Variants in SOX5 observed in about 807,000 individuals in gnomAD.
SOX5 encodes transcription factor SOX-5.
A neutral mutation model predicts 92.0 loss-of-function variants in SOX5; 9 were observed. The ratio of observed to expected loss-of-function variants is 0.10; its 90% CI spans 0.06 to 0.17. The LOEUF (loss-of-function observed/expected upper bound fraction) is 0.17, where lower values mean the gene tolerates loss of function less well. Ranked by LOEUF, SOX5 falls within the 10% of genes least tolerant of loss-of-function variation. The probability of loss-of-function intolerance (pLI) is 1.00; values close to 1 mark genes in which losing one functional copy is unlikely to be tolerated. For missense variants in SOX5, 642 were observed against 944.5 expected, an observed-to-expected ratio of 0.68 and a Z score of 4.20; for synonymous variants, 344 against 336.3, an observed-to-expected ratio of 1.02 and a Z score of -0.25.
At chr12:24,251,346 T>G (rs544888068) in intron 3 of SOX5, among the ~76,000 whole-genome samples, 1 of 152,308 alleles carries the variant, frequency 6.6e-6, no homozygotes, top group Non-Finnish European at 1.5e-5. Context: ...ACTGATAAGA[T>G]TCAGCATGGC....
At chr12:24,208,000 T>A (rs1421582054) in intron 4 of SOX5, among the ~76,000 whole-genome samples, 1 of 152,196 alleles carries the variant, frequency 6.6e-6, no homozygotes, top group South Asian at 2.1e-4. Context: ...AACAAACTGC[T>A]TTTTGTGATT....
At chr12:24,348,686 C>T (rs1953666385) in intron 2 of SOX5, among the ~76,000 whole-genome samples, 1 of 152,070 alleles carries the variant, frequency 6.6e-6, no homozygotes, top group African/African-American at 2.4e-5. Flanking sequence ...ACCCAGCCTG[C>T]TCTGTTGACT....
chr12:24,233,357 A>T (rs2728840), intron 3 of SOX5, among the ~76,000 whole-genome samples: 1 of 152,084 alleles, frequency 6.6e-6, no homozygotes, highest in East Asian at 1.9e-4. Context: ...GATTATGAAG[A>T]CGAAACAAAT....
intron 4 of SOX5, among the ~76,000 whole-genome samples, chr12:24,187,241 G>T (rs1956104354): frequency 6.6e-6 from 1 of 152,174 alleles, no homozygotes; most frequent in Non-Finnish European, 1.5e-5. Flanking sequence ...GTAATTGATT[G>T]ATCTAAGACT....
At chr12:24,036,909 A>G (rs187525992) in intron 4 of SOX5, among the ~76,000 whole-genome samples, 1 of 152,324 alleles carries the variant, frequency 6.6e-6, no homozygotes, top group African/African-American at 2.4e-5. Context: ...TGTTTAAATT[A>G]ACACACACAT....
intron 4 of SOX5, among the ~76,000 whole-genome samples, chr12:24,092,013 G>A (rs922759362): frequency 1.3e-5 from 2 of 152,116 alleles, no homozygotes; most frequent in Non-Finnish European, 2.9e-5. Flanking sequence ...TGCTTGACAA[G>A]GCACTGCATT....
intron 2 of SOX5, among the ~76,000 whole-genome samples, chr12:23,870,064 A>C (rs2096856826): frequency 6.6e-6 from 1 of 152,158 alleles, no homozygotes; most frequent in Admixed American, 6.5e-5. Flanking sequence ...TTTAAGATTT[A>C]GATAAAACAC....
chr12:23,839,659 C>T (rs569506544), intron 3 of SOX5, among the ~76,000 whole-genome samples: 2 of 152,096 alleles, frequency 1.3e-5, no homozygotes, highest in East Asian at 1.9e-4. Context: ...AGGATTTATT[C>T]CAAGTTTGCA....
chr12:23,590,523 C>G (rs1951382632), intron 9 of SOX5, among the ~76,000 whole-genome samples: 1 of 151,956 alleles, frequency 6.6e-6, no homozygotes, highest in Admixed American at 6.6e-5. Context: ...AACCCTTTTC[C>G]TTATTCTCCT....
intron 2 of SOX5, among the ~76,000 whole-genome samples, chr12:23,878,030 T>C (rs2137028721): frequency 6.6e-6 from 1 of 152,202 alleles, no homozygotes; most frequent in Non-Finnish European, 1.5e-5. Context: ...AATTCTTTTT[T>C]CCCATTTATT....
At chr12:23,867,821 TA>T (rs539920837) in intron 2 of SOX5, among the ~76,000 whole-genome samples, 41 of 140,426 alleles carry the variant, frequency 2.9e-4, no homozygotes, top group Middle Eastern at 7.2e-3. Context: ...ACAAAGATAG[TA>T]AAAAAAAAAA....
At chr12:24,059,893 GCTTC>G (rs1351702495) in intron 4 of SOX5, among the ~76,000 whole-genome samples, 1 of 152,132 alleles carries the variant, frequency 6.6e-6, no homozygotes, top group Non-Finnish European at 1.5e-5. Context: ...CAAATTTATA[GCTTC>G]CTTATTATAA....
At chr12:23,838,367 G>T (rs1352734808) in intron 3 of SOX5, among the ~76,000 whole-genome samples, 1 of 150,970 alleles carries the variant, frequency 6.6e-6, no homozygotes, top group Non-Finnish European at 1.5e-5. Flanking sequence ...TCCCATCATT[G>T]CAGTTATTAA....
chr12:24,284,953 C>A (rs1945677047), intron 2 of SOX5, among the ~76,000 whole-genome samples: 1 of 152,168 alleles, frequency 6.6e-6, no homozygotes, highest in East Asian at 1.9e-4. Context: ...GGTGAAACCC[C>A]ATCTCTTCTA....
At chr12:23,899,738 C>T (rs1052383266) in intron 1 of SOX5, among the ~76,000 whole-genome samples, 2 of 152,216 alleles carry the variant, frequency 1.3e-5, no homozygotes, top group Non-Finnish European at 2.9e-5. Flanking sequence ...TTTTAAGGCA[C>T]AAGCAAAATC....
chr12:23,765,863 C>G (rs1241352496), intron 3 of SOX5, among the ~76,000 whole-genome samples: 1 of 152,090 alleles, frequency 6.6e-6, no homozygotes, highest in East Asian at 1.9e-4. Context: ...ATCTAACAGT[C>G]ATTGGGTAAA....
intron 4 of SOX5, among the ~76,000 whole-genome samples, chr12:24,020,641 A>C (rs1192898636): frequency 1.3e-5 from 2 of 152,190 alleles, no homozygotes; most frequent in Non-Finnish European, 2.9e-5. Flanking sequence ...ATGTTGGATT[A>C]ATAACTCCAA....
chr12:23,838,498 T>C (rs2096464228), intron 3 of SOX5, among the ~76,000 whole-genome samples: 1 of 152,058 alleles, frequency 6.6e-6, no homozygotes, highest in African/African-American at 2.4e-5. Context: ...AGTGGTTCTA[T>C]GTTTATGCTA....
chr12:23,679,604 T>C (rs2086259535), intron 6 of SOX5, among the ~76,000 whole-genome samples: 1 of 151,966 alleles, frequency 6.6e-6, no homozygotes, highest in Non-Finnish European at 1.5e-5. Context: ...AGGTCTGGAG[T>C]TCAAACCAAA....
Sources: gnomAD v4.1 joint callset for allele counts (sites outside exome capture counted in the v4.1 genomes callset) on GRCh38, gnomAD v4.1.1 for gene constraint, MANE v1.5 for transcripts, NCBI Gene and HGNC (gene_info 2026-07-23, HGNC 2026-07-21) for gene names.